MAD1L1: variants seen among roughly 807,000 people sequenced by gnomAD.
The protein encoded by MAD1L1 is mitotic spindle assembly checkpoint protein MAD1.
In MAD1L1, 95 loss-of-function variants were observed where a neutral mutation model predicts 96.9. The observed-to-expected ratio is 0.98, with a 90% confidence interval of 0.83 to 1.16. The LOEUF (loss-of-function observed/expected upper bound fraction) is 1.16. MAD1L1 is among the 50% of genes most tolerant of loss of function. The pLI is 0.00. For missense variants in MAD1L1, 1,007 were observed against 954.4 expected, an observed-to-expected ratio of 1.06 and a Z score of -0.73; for synonymous variants, 473 against 396.6, an observed-to-expected ratio of 1.19 and a Z score of -2.29.
intron 11 of MAD1L1, among the ~76,000 whole-genome samples, chr7:2,109,841 T>C (rs1378608817): frequency 6.6e-6 from 1 of 152,260 alleles, no homozygotes; most frequent in Non-Finnish European, 1.5e-5. Flanking sequence ...ATTCATATCT[T>C]ACAGGATACG....
chr7:2,090,332 G>C (rs17132161), intron 11 of MAD1L1, among the ~76,000 whole-genome samples: 1 of 152,164 alleles, frequency 6.6e-6, no homozygotes, highest in Admixed American at 6.5e-5. Context: ...TCAGGCAAGC[G>C]TCCTGAACAC....
chr7:1,986,348 A>G (rs931330472), intron 14 of MAD1L1, among the ~76,000 whole-genome samples: 4 of 151,488 alleles, frequency 2.6e-5, no homozygotes, highest in African/African-American at 9.7e-5. Flanking sequence ...CCAGCTTGGA[A>G]CCACACGCCA....
intron 15 of MAD1L1, among the ~76,000 whole-genome samples, chr7:1,970,975 C>T (rs1780378083): frequency 6.6e-6 from 1 of 152,170 alleles, no homozygotes; most frequent in African/African-American, 2.4e-5. Flanking sequence ...GTGCGAGTTG[C>T]GCTAATACAG....
intron 12 of MAD1L1, among the ~76,000 whole-genome samples, chr7:2,032,772 G>A (rs1336370354): frequency 2.0e-5 from 3 of 152,352 alleles, no homozygotes; most frequent in South Asian, 2.1e-4. Context: ...AGTGGTGAGG[G>A]GGGTGGCGCC....
At chr7:1,875,462 C>G (rs1287610210) in intron 18 of MAD1L1, among the ~76,000 whole-genome samples, 1 of 152,178 alleles carries the variant, frequency 6.6e-6, no homozygotes, top group Non-Finnish European at 1.5e-5. Flanking sequence ...GGGTCTGCAG[C>G]AGGAAGGCTG....
intron 18 of MAD1L1, chr7:1,838,497 C>T (rs1783053563): frequency 3.1e-6 from 1 of 319,422 alleles, no homozygotes; most frequent in Non-Finnish European, 6.3e-6. Context: ...TATGATTCAT[C>T]AGTAACAAAT....
At chr7:2,202,271 C>T (rs1343713681) in intron 10 of MAD1L1, among the ~76,000 whole-genome samples, 2 of 152,214 alleles carry the variant, frequency 1.3e-5, no homozygotes, top group African/African-American at 2.4e-5. Context: ...AGGCAGAAAG[C>T]GGCCAGGACT....
At chr7:2,115,044 G>A (rs941941977) in intron 11 of MAD1L1, among the ~76,000 whole-genome samples, 1 of 152,208 alleles carries the variant, frequency 6.6e-6, no homozygotes, top group Non-Finnish European at 1.5e-5. Context: ...ATCAGAGCCC[G>A]AACAGCTGGA....
intron 12 of MAD1L1, among the ~76,000 whole-genome samples, chr7:2,048,361 AAC>A (rs769621168): frequency 1.1e-4 from 16 of 152,204 alleles, no homozygotes; most frequent in Non-Finnish European, 2.1e-4. Context: ...CTGTTGCACA[AAC>A]ACGGGATTTC....
At chr7:2,099,964 C>T (rs895639092) in intron 11 of MAD1L1, among the ~76,000 whole-genome samples, 1 of 152,270 alleles carries the variant, frequency 6.6e-6, no homozygotes, top group Non-Finnish European at 1.5e-5. Context: ...AAACTTCTCA[C>T]AGCTCAAGCC....
intron 10 of MAD1L1, among the ~76,000 whole-genome samples, chr7:2,180,182 AG>A (rs1791135844): frequency 6.6e-6 from 1 of 152,160 alleles, no homozygotes; most frequent in African/African-American, 2.4e-5. Flanking sequence ...TGAGATTCTA[AG>A]GGGCCATGTC....
chr7:1,869,450 C>T (rs10950410), intron 18 of MAD1L1, among the ~76,000 whole-genome samples: 1 of 151,956 alleles, frequency 6.6e-6, no homozygotes, highest in Non-Finnish European at 1.5e-5. Flanking sequence ...TTGGGCACAG[C>T]GATGGCCTGC....
rs1043145141 is a variant in MAD1L1, at chr7:1,895,544, G to A, written c.1998+2656C>T. Among the ~76,000 whole-genome samples, 5 of 152,368 alleles carry A rather than the reference G, an allele frequency of 3.3e-5. No homozygotes were observed. In the East Asian group the frequency reaches 9.7e-4, roughly 29 times the overall value. ...CCCTGATCCTGTGAGCTTCAAGCAT[G>A]AAAACACAGTGCATGTCACACATGG... On this transcript the variant is annotated intron_variant, in intron 18 of 18. Coordinates refer to ENST00000265854, the MANE Select transcript of MAD1L1 (RefSeq NM_001013836.2).
chr7:2,134,146 T>C (rs937020250), intron 11 of MAD1L1, among the ~76,000 whole-genome samples: 11 of 152,214 alleles, frequency 7.2e-5, no homozygotes, highest in Non-Finnish European at 1.3e-4. Context: ...CCCGTGAACA[T>C]AGAATGCCGC....
intron 10 of MAD1L1, among the ~76,000 whole-genome samples, chr7:2,159,640 C>CA (rs567655484): frequency 4.6e-4 from 70 of 151,630 alleles, no homozygotes; most frequent in Non-Finnish European, 9.3e-4. Context: ...AGAGAATGAG[C>CA]AAAAAAAATC....
chr7:1,970,840 C>T (rs1780370643), intron 15 of MAD1L1, among the ~76,000 whole-genome samples: 1 of 152,162 alleles, frequency 6.6e-6, no homozygotes, highest in Non-Finnish European at 1.5e-5. Flanking sequence ...CTTTTATTTA[C>T]TTATTGTTTT....
intron 18 of MAD1L1, among the ~76,000 whole-genome samples, chr7:1,890,032 G>A (rs1285670281): frequency 6.6e-6 from 1 of 152,250 alleles, no homozygotes; most frequent in African/African-American, 2.4e-5. Context: ...AGACACACAG[G>A]ACCTGGGCCT....
intron 12 of MAD1L1, among the ~76,000 whole-genome samples, chr7:2,023,987 A>C (rs1246704841): frequency 6.6e-6 from 1 of 151,544 alleles, no homozygotes; most frequent in Non-Finnish European, 1.5e-5. Context: ...AAACAAAATA[A>C]ATAATAAAAA....
intron 10 of MAD1L1, among the ~76,000 whole-genome samples, chr7:2,157,909 T>C (rs547342826): frequency 6.6e-6 from 1 of 152,242 alleles, no homozygotes; most frequent in African/African-American, 2.4e-5. Flanking sequence ...GGAGGAGCCG[T>C]GCCAAGTATT....
Sources: gnomAD v4.1 joint callset for allele counts (sites outside exome capture counted in the v4.1 genomes callset) on GRCh38, gnomAD v4.1.1 for gene constraint, MANE v1.5 for transcripts, NCBI Gene and HGNC (gene_info 2026-07-23, HGNC 2026-07-21) for gene names.